The following MAN2A1 variants were observed in gnomAD, a reference collection of about 807,000 sequenced individuals.
The protein encoded by MAN2A1 is alpha-mannosidase 2.
A neutral mutation model predicts 142.6 loss-of-function variants in MAN2A1; 76 were observed. That is an observed-to-expected ratio of 0.53 (90% CI 0.44 to 0.65). The LOEUF is 0.65. Ranked by LOEUF, MAN2A1 falls within the 30% of genes least tolerant of loss-of-function variation. MAN2A1 has a pLI of 0.00. For synonymous variants in MAN2A1, 559 were observed against 473.2 expected (o/e 1.18, Z -2.35); for missense variants, 1,311 against 1,365.1 (o/e 0.96, Z 0.62).
intron 1 of MAN2A1, among the ~76,000 whole-genome samples, chr5:109,705,379 T>C (rs1751101285): frequency 6.6e-6 from 1 of 152,310 alleles, no homozygotes; most frequent in Non-Finnish European, 1.5e-5. Flanking sequence ...GGTGACTCTG[T>C]CTTTTCTTAA....
intron 16 of MAN2A1, among the ~76,000 whole-genome samples, chr5:109,832,307 C>A (rs1754932641): frequency 6.6e-6 from 1 of 151,434 alleles, no homozygotes; most frequent in Non-Finnish European, 1.5e-5. Flanking sequence ...TTTTCCTAGG[C>A]AGAGGACCCT....
intron 2 of MAN2A1, among the ~76,000 whole-genome samples, chr5:109,714,091 T>A (rs1561474198): frequency 6.6e-6 from 1 of 152,116 alleles, no homozygotes; most frequent in African/African-American, 2.4e-5. Context: ...GATTTTTTTT[T>A]ACCTTCCTTT....
rs989485171 is a variant in MAN2A1 at position 109,862,105 on chromosome 5, T to C, written c.3172-2931T>C. 3.3e-5 allele frequency among the ~76,000 whole-genome samples: 5 copies of C among 152,200 alleles called. 1 individual carries two copies. The highest frequency in any genetic ancestry group is 3.3e-4 in the Admixed American group (5 of 15,278). On this transcript the variant is annotated intron_variant, in intron 20 of 21. Coordinates refer to ENST00000261483, the MANE Select transcript of MAN2A1 (RefSeq NM_002372.4). ...CAACAGGTATTAGCAATGACTGATA[T>C]TGTCACTGCGGTTGACCCTCAGTCT...
chr5:109,774,742 A>C, intron 7 of MAN2A1, 46 bp from the exon 8 acceptor site: 1 of 1,422,400 alleles, frequency 7.0e-7, no homozygotes, highest in Non-Finnish European at 9.7e-7. Flanking sequence ...ACTTTTTCTT[A>C]GTCAAATTCA....
In MAN2A1 at chr5:109,820,299, A is replaced by G. The variant is rs1485898217; in HGVS notation, c.2408A>G (p.Asp803Gly). The change falls in exon 15 of 22, where the codon GAC becomes GGC. Residue 803 changes from aspartate to glycine, a missense_variant. Physicochemically the swap from Asp to Gly is moderately conservative, Grantham distance 94. Transcript: ENST00000261483. ...TGGTATGGAACCACAATTAAAAGAG[A>G]CAAAAGTGGTGCCTACCTCTTCTTA... is the stretch of plus-strand genomic sequence containing the variant. ...FSWYGTTIKR[D>G]KSGAYLFLPD... The G allele has an allele frequency of 1.2e-6, 2 of 1,613,236 alleles. No individual in the cohort carries two copies. The highest frequency in any genetic ancestry group is 1.7e-5 in the Admixed American group (1 of 60,014).
At chr5:109,744,552 C>G (rs569175468) in intron 4 of MAN2A1, among the ~76,000 whole-genome samples, 10 of 152,082 alleles carry the variant, frequency 6.6e-5, no homozygotes, top group Non-Finnish European at 1.2e-4. Flanking sequence ...AGATACATAT[C>G]AAAACTTCTA....
At chr5:109,840,420 T>C in intron 16 of MAN2A1, 1 of 442,782 alleles carries the variant, frequency 2.3e-6, no homozygotes, top group Admixed American at 2.6e-5. Flanking sequence ...ACAGGTGCAT[T>C]TCTACCAGGT....
chr5:109,787,100 A>G (rs1012656121), intron 10 of MAN2A1, among the ~76,000 whole-genome samples: 9 of 152,198 alleles, frequency 5.9e-5, no homozygotes, highest in Non-Finnish European at 1.3e-4. Context: ...GATTGGGACA[A>G]TGTTTGTAAT....
At chr5:109,839,108 G>C (rs1755131214) in intron 16 of MAN2A1, among the ~76,000 whole-genome samples, 4 of 152,004 alleles carry the variant, frequency 2.6e-5, no homozygotes, top group Admixed American at 2.6e-4. Flanking sequence ...AATTCTTTTA[G>C]TGAATTAGAG....
chr5:109,782,795 A>G (rs1480948850), intron 9 of MAN2A1, among the ~76,000 whole-genome samples: 2 of 152,086 alleles, frequency 1.3e-5, no homozygotes, highest in African/African-American at 2.4e-5. Flanking sequence ...TTATAGATAC[A>G]TATTAGTTGT....
chr5:109,801,997 A>AGT (rs1178000846), intron 12 of MAN2A1, among the ~76,000 whole-genome samples: 1 of 152,186 alleles, frequency 6.6e-6, no homozygotes, highest in Non-Finnish European at 1.5e-5. Flanking sequence ...GTTAAAATAT[A>AGT]GTTCCTTATT....
chr5:109,716,389 T>C, intron 3 of MAN2A1, 125 bp downstream of exon 3: 1 of 676,944 alleles, frequency 1.5e-6, no homozygotes, highest in East Asian at 2.7e-5. Flanking sequence ...CTTTTAACAT[T>C]AATATATTCC....
chr5:109,723,575 C>T (rs1293781625), intron 3 of MAN2A1, among the ~76,000 whole-genome samples: 1 of 152,164 alleles, frequency 6.6e-6, no homozygotes, highest in African/African-American at 2.4e-5. Flanking sequence ...TCTGCTTCTA[C>T]TTTGCCTTTT....
intron 5 of MAN2A1, among the ~76,000 whole-genome samples, chr5:109,756,873 T>C (rs1415787976): frequency 1.3e-5 from 2 of 152,188 alleles, no homozygotes; most frequent in African/African-American, 4.8e-5. Context: ...GCTTTCCTTC[T>C]GGGAGTCTGA....
chr5:109,715,622 A>G (rs1285813664), intron 2 of MAN2A1, among the ~76,000 whole-genome samples: 2 of 152,168 alleles, frequency 1.3e-5, no homozygotes, highest in Non-Finnish European at 2.9e-5. Flanking sequence ...GGTAGATATA[A>G]CATATGCTAC....
At chr5:109,776,411 A>G (rs1206434151) in intron 8 of MAN2A1, among the ~76,000 whole-genome samples, 1 of 152,062 alleles carries the variant, frequency 6.6e-6, no homozygotes, top group Non-Finnish European at 1.5e-5. Context: ...TTCCTGAGAG[A>G]TGATGCTCAT....
At chr5:109,721,592 T>C (rs186911408) in intron 3 of MAN2A1, among the ~76,000 whole-genome samples, 108 of 152,306 alleles carry the variant, frequency 7.1e-4, no homozygotes, top group African/African-American at 2.6e-3. Flanking sequence ...GTTAAGAAAA[T>C]TGTAGCACTT....
chr5:109,720,763 A>G (rs888980188), intron 3 of MAN2A1, among the ~76,000 whole-genome samples: 1 of 152,232 alleles, frequency 6.6e-6, no homozygotes, highest in African/African-American at 2.4e-5. Context: ...CCTGGGCCAC[A>G]TGCAGCCCGT....
intron 21 of MAN2A1, chr5:109,865,462 C>A: frequency 3.2e-6 from 1 of 315,894 alleles, no homozygotes; most frequent in South Asian, 3.2e-5. Flanking sequence ...TCCCCTGAAC[C>A]ACACATGCTC....
Sources: allele counts gnomAD v4.1 joint callset (sites outside exome capture counted in the v4.1 genomes callset), GRCh38; gene constraint gnomAD v4.1.1; transcripts MANE v1.5; gene names NCBI Gene and HGNC (gene_info 2026-07-23, HGNC 2026-07-21).